The following EMG1 variants were observed in gnomAD, a reference collection of about 807,000 sequenced individuals.
EMG1 encodes the protein EMG1 N1-specific pseudouridine methyltransferase.
A neutral mutation model predicts 26.9 loss-of-function variants in EMG1; 24 were observed. That is an observed-to-expected ratio of 0.89 (90% CI 0.65 to 1.26). The LOEUF is 1.26. Among genes scored for constraint, EMG1 ranks in the 50% most tolerant of loss-of-function variants. The pLI, the probability that EMG1 is intolerant of heterozygous loss-of-function variation, is 0.00. For synonymous variants in EMG1, 140 were observed against 112.6 expected, an observed-to-expected ratio of 1.24 and a Z score of -1.54; for missense variants, 299 against 307.6, an observed-to-expected ratio of 0.97 and a Z score of 0.21.
At chr12:6,975,658 A>T in intron 5 of EMG1, 38 bp from the exon 6 acceptor site, 2 of 1,356,480 alleles carry the variant, frequency 1.5e-6, no homozygotes, top group Non-Finnish European at 2.1e-6. Flanking sequence ...ACAGCTACTG[A>T]GTGACAGAGT....
intron 7 of EMG1, chr12:6,988,050 T>TA (rs111464101): frequency 0.025 from 8,084 of 318,648 alleles, 15 homozygotes; most frequent in Non-Finnish European, 0.031. Context: ...TTTAAAGGTG[T>TA]AAAAAAAAAA....
chr12:6,978,923 T>C lies in EMG1; in HGVS notation c.*3114T>C, dbSNP rs376852828. The C allele has an allele frequency of 1.8e-6, 1 of 547,688 alleles. No individual in the cohort carries two copies. Among genetic ancestry groups the C allele is most frequent in the South Asian group, 2.4e-5 (1 of 40,856 alleles). 33.9% of individuals were successfully genotyped at this position (547,688 alleles called of 1,614,324 possible). A position where few individuals can be genotyped will look rare whatever the true frequency, so the allele number is the denominator to read the frequency against. ...GGAGAGCCTCAAGGGCAGCACTGTA[T>C]TTAACTTCTCTACTGTTTGCCTTCG... On this transcript the variant is annotated 3_prime_UTR_variant, in exon 6 of 6. Transcript: ENST00000599672.
rs374592464 is a variant in EMG1 at position 6,975,083 on chromosome 12, C to T, written c.413-7C>T. Reference sequence around the variant, plus strand: ...TCTAGCTCTGAACTCTTTTTTCCCCCTTCTAGTTCAACTTTTACACAAGCT... The same window carrying T: ...TCTAGCTCTGAACTCTTTTTTCCCCTTTCTAGTTCAACTTTTACACAAGCT... On this transcript the variant is annotated splice_polypyrimidine_tract_variant and splice_region_variant and intron_variant, in intron 3 of 5. Transcript: ENST00000599672. The T allele has an allele frequency of 6.5e-5, 105 of 1,613,822 alleles. No individual in the cohort carries two copies. In the African/African-American group the frequency reaches 1.3e-3, roughly 21 times the overall value.
At chr12:6,986,184 G>A (rs1946524231) in intron 6 of EMG1, among the ~76,000 whole-genome samples, 1 of 152,040 alleles carries the variant, frequency 6.6e-6, no homozygotes, top group Non-Finnish European at 1.5e-5. Context: ...GAACAGCAAG[G>A]GTCCCCTTAG....
chr12:6,972,220 G>A (rs1946339701), intron 1 of EMG1, among the ~76,000 whole-genome samples: 1 of 152,000 alleles, frequency 6.6e-6, no homozygotes, highest in African/African-American at 2.4e-5. Flanking sequence ...GCCTGCGCCT[G>A]TAATCTATTA....
At chr12:6,994,733 G>A (rs2138346918) in intron 7 of EMG1, among the ~76,000 whole-genome samples, 1 of 152,328 alleles carries the variant, frequency 6.6e-6, no homozygotes, top group South Asian at 2.1e-4. Flanking sequence ...GGGATTACAG[G>A]CATCAGCCAC....
rs751856947 is a variant in EMG1, at chr12:6,979,592, G to A, written c.*3783G>A. 14 of 1,554,944 alleles carry A rather than the reference G, an allele frequency of 9.0e-6. No homozygotes were observed. The highest frequency in any genetic ancestry group is 2.2e-5 in the East Asian group (1 of 44,610). ...AGCAGGAATGATGCTGGAAAGGAAC[G>A]AGTGAAGTTCCTGGTCACAGAGAGC... On this transcript the variant is annotated 3_prime_UTR_variant, in exon 6 of 6. Coordinates refer to ENST00000599672, the MANE Select transcript of EMG1 (RefSeq NM_006331.8).
Position 6,977,844 on chromosome 12 carries a change from T to A in EMG1, c.*2035T>A. 6.9e-7 allele frequency: 1 copy of A among 1,450,310 alleles called. No homozygotes were observed. Among genetic ancestry groups the A allele is most frequent in the Non-Finnish European group, 9.6e-7 (1 of 1,045,456 alleles). The allele number at this position is 1,450,310 out of a possible 1,614,324, so 89.8% of individuals were successfully genotyped here. ...CACCCTGAGGATTGGATTGGAGTGC[T>A]GGTGGGTTCCCACGTGTAGCCCCCA... On this transcript the variant is annotated 3_prime_UTR_variant, in exon 6 of 6. Transcript: ENST00000599672. The surrounding 1 kb of genome is among the most constrained non-coding windows in gnomAD (Gnocchi z 4.5).
intron 5 of EMG1, 89 bp from the exon 6 acceptor site, chr12:6,975,607 C>G (rs1946385607): frequency 9.7e-7 from 1 of 1,026,144 alleles, no homozygotes; most frequent in African/African-American, 1.6e-5. Context: ...AGCTGAAATA[C>G]TAGCTCAGCC....
downstream of EMG1, among the ~76,000 whole-genome samples, chr12:6,984,274 A>G (rs1433332799): frequency 6.6e-6 from 1 of 152,272 alleles, no homozygotes; most frequent in African/African-American, 2.4e-5. Flanking sequence ...GCCATGAGTG[A>G]ACCACAGAGG....
rs782808257 is a variant in EMG1 at position 6,974,667 on chromosome 12, C to T, written c.386C>T (p.Thr129Ile). The T allele has an allele frequency of 5.0e-6, 8 of 1,613,824 alleles. No homozygotes were observed. The highest frequency in any genetic ancestry group is 2.7e-5 in the African/African-American group (2 of 74,910). The change falls in exon 3 of 6, where the codon ACC becomes ATC. Residue 129 changes from threonine to isoleucine, a missense_variant. By Grantham distance (89) the Thr-to-Ile change is moderately conservative. Coordinates refer to ENST00000599672, the MANE Select transcript of EMG1 (RefSeq NM_006331.8). ...AATCCCCAGACCCGAATTCCCAGAA[C>T]CTTTGACCGCTTTTGTGGCCTCATG... ...EVNPQTRIPR[T>I]FDRFCGLMVQ...
chr12:6,982,730 A>G, downstream of EMG1: 1 of 1,614,130 alleles, frequency 6.2e-7, no homozygotes, highest in Non-Finnish European at 8.5e-7. Context: ...CCATTAGTCG[A>G]AGGATGAGGA....
downstream of EMG1, among the ~76,000 whole-genome samples, chr12:6,991,046 C>G (rs1555155461): frequency 6.6e-6 from 1 of 151,058 alleles, no homozygotes; most frequent in African/African-American, 2.4e-5. Context: ...AAATGTAAAC[C>G]ACTATATTTC....
Position 6,978,751 on chromosome 12 carries a change from C to A in EMG1, c.*2942C>A. The stretch of plus-strand genomic sequence containing the variant: ...CATGACTAGGCAGTTTCTCTCAGCA[C>A]TCTTCCTTTTCACACTTGTGGCTGG... On this transcript the variant is annotated 3_prime_UTR_variant, in exon 6 of 6. Transcript: ENST00000599672. 6.3e-7 allele frequency: 1 copy of A among 1,594,580 alleles called. No homozygotes were observed. Among genetic ancestry groups the A allele is most frequent in the Admixed American group, 1.7e-5 (1 of 58,088 alleles).
chr12:6,992,288 C>T (rs914266514), downstream of EMG1, among the ~76,000 whole-genome samples: 1 of 151,758 alleles, frequency 6.6e-6, no homozygotes, highest in Non-Finnish European at 1.5e-5. Context: ...AGCTGTGATG[C>T]CCCCACCGCA....
At chr12:6,974,732 G>A in intron 3 of EMG1, 39 bp downstream of exon 3, 2 of 1,610,392 alleles carry the variant, frequency 1.2e-6, no homozygotes, top group Middle Eastern at 1.7e-4. Context: ...GAACTTGTCA[G>A]TAGGGAAGAA....
At position 6,976,680 on chromosome 12, in the gene EMG1, G is replaced by A. The variant is rs151308958; in HGVS notation, c.*871G>A. The A allele has an allele frequency of 7.8e-4, 121 of 156,080 alleles. No homozygotes were observed. In the East Asian group the frequency reaches 0.015, roughly 20 times the overall value. 9.7% of individuals were successfully genotyped at this position (156,080 alleles called of 1,614,324 possible). A position where few individuals can be genotyped will look rare whatever the true frequency, so the allele number is the denominator to read the frequency against. ...GGAGGTTGCGGTGAGCTGAGATCCC[G>A]CCACTGCATTCCAGCGTGGGTGACA... On this transcript the variant is annotated 3_prime_UTR_variant, in exon 6 of 6. Coordinates refer to ENST00000599672, the MANE Select transcript of EMG1 (RefSeq NM_006331.8).
intron 1 of EMG1, among the ~76,000 whole-genome samples, 183 bp downstream of exon 1, chr12:6,971,274 CTTTTTTT>C (rs34818013): frequency 1.5e-5 from 2 of 135,496 alleles, no homozygotes; most frequent in Non-Finnish European, 3.2e-5. Flanking sequence ...ATTTTTCTTT[CTTTTTTT>C]TTTTTTTTTT....
chr12:6,981,481 C>T (rs1189195613), downstream of EMG1: 1 of 1,040,750 alleles, frequency 9.6e-7, no homozygotes, highest in Non-Finnish European at 1.5e-6. Flanking sequence ...ATTGCACAGG[C>T]TGGGGAATGA....
Sources: allele counts gnomAD v4.1 joint callset (sites outside exome capture counted in the v4.1 genomes callset), GRCh38; gene constraint gnomAD v4.1.1; non-coding constraint Gnocchi (gnomAD v3.1); transcripts MANE v1.5; gene names NCBI Gene and HGNC (gene_info 2026-07-23, HGNC 2026-07-21).